Variants in LRFN2 observed in about 807,000 individuals in gnomAD.
LRFN2 encodes leucine-rich repeat and fibronectin type-III domain-containing protein 2.
A neutral mutation model predicts 37.3 loss-of-function variants in LRFN2; 18 were observed. That is an observed-to-expected ratio of 0.48 (90% CI 0.33 to 0.72). The LOEUF is 0.72. LRFN2 is among the 30% of genes least tolerant of loss of function. The pLI is 0.02. For missense variants in LRFN2, 1,006 were observed against 1,060.7 expected (o/e 0.95, Z 0.72); for synonymous variants, 556 against 466.6 (o/e 1.19, Z -2.47).
At chr6:40,451,009 T>C (rs1344714788) in intron 1 of LRFN2, among the ~76,000 whole-genome samples, 1 of 152,172 alleles carries the variant, frequency 6.6e-6, no homozygotes, top group East Asian at 1.9e-4. Flanking sequence ...CATAAATGCA[T>C]CTCCATGGAT....
intron 1 of LRFN2, among the ~76,000 whole-genome samples, chr6:40,435,872 A>G (rs573428141): frequency 3.7e-4 from 57 of 152,282 alleles, no homozygotes; most frequent in African/African-American, 1.3e-3. Context: ...TTTATTATGT[A>G]TATTTGAATT....
At chr6:40,497,188 C>T (rs536694223) in intron 1 of LRFN2, among the ~76,000 whole-genome samples, 14 of 152,330 alleles carry the variant, frequency 9.2e-5, no homozygotes, top group African/African-American at 2.9e-4. Flanking sequence ...TCTGCTTCCA[C>T]GTTTGCCTCT....
chr6:40,514,108 G>A (rs1288937222), intron 1 of LRFN2, among the ~76,000 whole-genome samples: 1 of 152,068 alleles, frequency 6.6e-6, no homozygotes, highest in Non-Finnish European at 1.5e-5. Flanking sequence ...ATAAGATCCA[G>A]TGAGAGGCAG....
At chr6:40,466,078 C>T (rs903413588) in intron 1 of LRFN2, among the ~76,000 whole-genome samples, 3 of 152,146 alleles carry the variant, frequency 2.0e-5, no homozygotes, top group African/African-American at 4.8e-5. Context: ...CAGCTACTGA[C>T]TCTCTCTTTC....
At chr6:40,405,780 G>GTT (rs1331757175) in intron 2 of LRFN2, among the ~76,000 whole-genome samples, 8 of 152,244 alleles carry the variant, frequency 5.3e-5, no homozygotes, top group Admixed American at 5.2e-4. Flanking sequence ...GTTAGTAAAG[G>GTT]CCTGGCTGAG....
At chr6:40,454,959 G>A (rs1764202956) in intron 1 of LRFN2, among the ~76,000 whole-genome samples, 1 of 152,120 alleles carries the variant, frequency 6.6e-6, no homozygotes, top group African/African-American at 2.4e-5. Flanking sequence ...CGATGTATAA[G>A]CCAGAAATTT....
intron 1 of LRFN2, among the ~76,000 whole-genome samples, chr6:40,500,174 G>A (rs914670263): frequency 9.8e-5 from 15 of 152,322 alleles, no homozygotes; most frequent in African/African-American, 2.9e-4. Flanking sequence ...GGTTCTCCCC[G>A]GAGACCGGGA....
chr6:40,402,500 A>G (rs1375598427), intron 2 of LRFN2, among the ~76,000 whole-genome samples: 2 of 152,240 alleles, frequency 1.3e-5, no homozygotes, highest in Non-Finnish European at 2.9e-5. Context: ...GCTAACATTT[A>G]TTGAGCACTT....
chr6:40,410,923 T>A (rs1762952005), intron 2 of LRFN2, among the ~76,000 whole-genome samples: 1 of 152,216 alleles, frequency 6.6e-6, no homozygotes, highest in African/African-American at 2.4e-5. Context: ...AGTGTAATTA[T>A]CCTCCTTCCT....
At chr6:40,495,641 G>T (rs1730818256) in intron 1 of LRFN2, among the ~76,000 whole-genome samples, 1 of 152,142 alleles carries the variant, frequency 6.6e-6, no homozygotes, top group Admixed American at 6.5e-5. Flanking sequence ...CCAGGGAGTA[G>T]CACACAGCCA....
chr6:40,559,214 T>A (rs561595040), intron 1 of LRFN2, among the ~76,000 whole-genome samples: 2 of 151,720 alleles, frequency 1.3e-5, no homozygotes, highest in East Asian at 3.9e-4. Context: ...TGGGGAGGGG[T>A]CAGCCTATAA....
rs1294121981 is a variant in LRFN2, at chr6:40,432,839, T to C, written c.275A>G (p.Gln92Arg). ...TLSRNTISHI[Q>R]PFSFLDLESL... ...CTCGAGGTCCAGAAAGGAAAAGGGC[T>C]GGATGTGGCTGATGGTGTTCCTGGA... The change falls in exon 2 of 3, where the codon CAG (glutamine) becomes CGG (arginine). Residue 92 changes from glutamine (Q) to arginine (R), a missense_variant. Around this residue, in one of 4 missense-constraint regions of LRFN2, gnomAD observed 185 missense variants for 254.9 expected, o/e 0.73. Coordinates refer to ENST00000338305, the MANE Select transcript of LRFN2 (RefSeq NM_020737.3). The C allele has an allele frequency of 6.2e-7, 1 of 1,614,124 alleles. No individual in the cohort carries two copies. The highest frequency in any genetic ancestry group is 8.5e-7 in the Non-Finnish European group (1 of 1,180,056).
At chr6:40,518,678 A>T (rs1471949499) in intron 1 of LRFN2, among the ~76,000 whole-genome samples, 1 of 152,170 alleles carries the variant, frequency 6.6e-6, no homozygotes, top group African/African-American at 2.4e-5. Context: ...AGTACAGATC[A>T]TTCAGGATAC....
chr6:40,461,399 C>A (rs116332134), intron 1 of LRFN2, among the ~76,000 whole-genome samples: 5,127 of 152,008 alleles, frequency 0.034, 152 homozygotes, highest in East Asian at 0.08. Flanking sequence ...TAGAGTGAGA[C>A]CCTGACTCTA....
At chr6:40,524,094 G>A (rs74382433) in intron 1 of LRFN2, among the ~76,000 whole-genome samples, 13,387 of 152,260 alleles carry the variant, frequency 0.088, 822 homozygotes, top group Admixed American at 0.14. Flanking sequence ...GTGAACAACA[G>A]GGGTACAGGA....
chr6:40,481,426 A>G (rs1216356089), intron 1 of LRFN2, among the ~76,000 whole-genome samples: 1 of 143,128 alleles, frequency 7.0e-6, no homozygotes, highest in African/African-American at 2.6e-5. Flanking sequence ...TGGGCAACAG[A>G]AAAAGATTGT....
At chr6:40,503,456 C>G (rs1294106588) in intron 1 of LRFN2, among the ~76,000 whole-genome samples, 2 of 152,124 alleles carry the variant, frequency 1.3e-5, no homozygotes, top group Admixed American at 1.3e-4. Flanking sequence ...CTCTGGGACA[C>G]AGAGCCATGC....
At chr6:40,582,649 G>C (rs1204410002) in intron 1 of LRFN2, among the ~76,000 whole-genome samples, 1 of 150,046 alleles carries the variant, frequency 6.7e-6, no homozygotes, top group East Asian at 1.9e-4. Context: ...GAAGCCTTGG[G>C]TCTTCTCTTC....
At chr6:40,575,618 C>A (rs903316585) in intron 1 of LRFN2, among the ~76,000 whole-genome samples, 4 of 152,144 alleles carry the variant, frequency 2.6e-5, no homozygotes, top group Non-Finnish European at 5.9e-5. Flanking sequence ...CAGGCCTTTC[C>A]CCTGGGTGCA....
Sources: gnomAD v4.1 joint callset for allele counts (sites outside exome capture counted in the v4.1 genomes callset) on GRCh38, gnomAD v4.1.1 for gene constraint, gnomAD v4.1.1 regional missense constraint, MANE v1.5 for transcripts, NCBI Gene and HGNC (gene_info 2026-07-23, HGNC 2026-07-21) for gene names.